Variants in GCNT2 observed in about 807,000 individuals in gnomAD.
GCNT2 encodes the protein N-acetyllactosaminide beta-1,6-N-acetylglucosaminyl-transferase.
In GCNT2, 34 loss-of-function variants were observed where a neutral mutation model predicts 34.2. The observed-to-expected ratio is 1.00, with a 90% confidence interval of 0.76 to 1.32. GCNT2 has a LOEUF of 1.32. Ranked by LOEUF, GCNT2 falls within the 40% of genes most tolerant of loss-of-function variation. The pLI, the probability that GCNT2 is intolerant of heterozygous loss-of-function variation, is 0.00. For missense variants in GCNT2, 584 were observed against 489.4 expected, an observed-to-expected ratio of 1.19 and a Z score of -1.82; for synonymous variants, 212 against 188.0, an observed-to-expected ratio of 1.13 and a Z score of -1.04.
At chr6:10,552,432 T>C (rs749969290) in intron 3 of GCNT2, among the ~76,000 whole-genome samples, 3 of 152,034 alleles carry the variant, frequency 2.0e-5, no homozygotes, top group East Asian at 1.9e-4. Context: ...TCCTGAATCC[T>C]TGGATTCGAC....
intron 3 of GCNT2, chr6:10,573,432 A>G (rs1429449498): frequency 3.5e-6 from 1 of 284,116 alleles, no homozygotes; most frequent in South Asian, 1.4e-4. Context: ...TTTGTCTCCC[A>G]GTGGGGTTGC....
intron 1 of GCNT2, among the ~76,000 whole-genome samples, chr6:10,524,708 A>G (rs185201329): frequency 6.6e-6 from 1 of 152,078 alleles, no homozygotes; most frequent in Non-Finnish European, 1.5e-5. Context: ...GCATACCTGT[A>G]AGCCCAGCTA....
chr6:10,599,174 C>T (rs1174028824), intron 3 of GCNT2, among the ~76,000 whole-genome samples: 1 of 152,060 alleles, frequency 6.6e-6, no homozygotes, highest in Non-Finnish European at 1.5e-5. Flanking sequence ...TCATCCTGCA[C>T]AAGGAATGAG....
rs572030992 is a variant in GCNT2 at position 10,560,472 on chromosome 6, C to T, written c.925+30636C>T. Among the ~76,000 whole-genome samples, 13 of 152,208 alleles carry T rather than the reference C, an allele frequency of 8.5e-5. No individual in the cohort carries two copies. The East Asian group carries it at 2.5e-3, about 29-fold the overall frequency. On this transcript the variant is annotated intron_variant, in intron 3 of 4. Transcript: ENST00000495262. ...GGGTAAACATCTTTTTGCAAACGTG[C>T]AAGTGCAGGTGGTGCTGTTCATTTC...
intron 3 of GCNT2, among the ~76,000 whole-genome samples, chr6:10,596,750 A>T (rs1764869701): frequency 6.6e-6 from 1 of 151,814 alleles, no homozygotes; most frequent in African/African-American, 2.4e-5. Context: ...AAAAAAAGAC[A>T]ATGAGTCCAA....
At chr6:10,600,724 C>T (rs923913247) in intron 3 of GCNT2, among the ~76,000 whole-genome samples, 3 of 152,142 alleles carry the variant, frequency 2.0e-5, no homozygotes, top group Non-Finnish European at 4.4e-5. Context: ...ACAAGGTGCT[C>T]GTGAGGGTCT....
At chr6:10,571,802 A>C (rs921303232) in intron 3 of GCNT2, among the ~76,000 whole-genome samples, 13 of 152,136 alleles carry the variant, frequency 8.5e-5, no homozygotes, top group Admixed American at 2.6e-4. Context: ...AATATTAATC[A>C]CTTGTCCCCA....
At chr6:10,611,784 C>G (rs1053052726) in intron 3 of GCNT2, among the ~76,000 whole-genome samples, 10 of 151,984 alleles carry the variant, frequency 6.6e-5, no homozygotes, top group Non-Finnish European at 1.0e-4. Context: ...AGCACAATTA[C>G]TAAATTAATG....
chr6:10,555,776 G>T, intron 3 of GCNT2: 2 of 985,408 alleles, frequency 2.0e-6, no homozygotes, highest in Non-Finnish European at 2.4e-6. Context: ...AATGGAGCTG[G>T]GATGGATGAG....
At chr6:10,551,848 C>G (rs1300917094) in intron 3 of GCNT2, among the ~76,000 whole-genome samples, 1 of 152,212 alleles carries the variant, frequency 6.6e-6, no homozygotes, top group East Asian at 1.9e-4. Flanking sequence ...ACCTCTGTCT[C>G]CCAGGTTCAA....
In GCNT2 at chr6:10,582,377, T is replaced by TAAA. The variant is rs1561816522; in HGVS notation, c.926-38974_926-38973insAAA. Among the ~76,000 whole-genome samples, 456 of 92,870 alleles carry TAAA rather than the reference T, an allele frequency of 4.9e-3. 4 individuals carry two copies. Among genetic ancestry groups the TAAA allele is most frequent in the African/African-American group, 0.018 (427 of 23,896 alleles). The allele number at this position is 92,870 out of a possible 152,430, so 60.9% of individuals were successfully genotyped here. Reference sequence around the variant, plus strand: ...ATATTAAATATAATATATACTATAATTTAATATTTATTATATACTATAATA... The same window carrying TAAA: ...ATATTAAATATAATATATACTATAATAAATTAATATTTATTATATACTATAATA... On this transcript the variant is annotated intron_variant, in intron 3 of 4. Coordinates refer to ENST00000495262, the MANE Select transcript of GCNT2 (RefSeq NM_145649.5).
intron 1 of GCNT2, among the ~76,000 whole-genome samples, chr6:10,525,643 T>A (rs187406121): frequency 2.0e-5 from 3 of 152,200 alleles, no homozygotes; most frequent in Non-Finnish European, 4.4e-5. Flanking sequence ...TCATATTAAT[T>A]CTTTTTTTAA....
intron 3 of GCNT2, among the ~76,000 whole-genome samples, chr6:10,617,488 C>T (rs1189660030): frequency 6.6e-6 from 1 of 152,220 alleles, no homozygotes; most frequent in Non-Finnish European, 1.5e-5. Flanking sequence ...GGCTGAAGGG[C>T]TCCTCAAGTG....
At chr6:10,547,558 AATG>A (rs1413516338) in intron 3 of GCNT2, among the ~76,000 whole-genome samples, 1 of 152,222 alleles carries the variant, frequency 6.6e-6, no homozygotes, top group Non-Finnish European at 1.5e-5. Flanking sequence ...AGAGCCTTAT[AATG>A]ATGATGACTT....
intron 3 of GCNT2, among the ~76,000 whole-genome samples, chr6:10,568,787 A>G (rs1241620035): frequency 6.6e-6 from 1 of 152,154 alleles, no homozygotes; most frequent in Non-Finnish European, 1.5e-5. Context: ...TAATCCTGCC[A>G]TAGGTCCTTT....
At chr6:10,521,686 ATGT>A (rs1175443295) in intron 1 of GCNT2, 5 of 150,356 alleles carry the variant, frequency 3.3e-5, no homozygotes, top group Admixed American at 2.7e-4. Context: ...GCATGTTTGT[ATGT>A]TGTTTCATTA....
At chr6:10,570,926 CTT>C (rs1217248231) in intron 3 of GCNT2, among the ~76,000 whole-genome samples, 1 of 152,236 alleles carries the variant, frequency 6.6e-6, no homozygotes, top group Non-Finnish European at 1.5e-5. Flanking sequence ...TATCCTACCA[CTT>C]TATGGACTTT....
rs775733706 is a variant in GCNT2 at position 10,529,636 on chromosome 6, C to G, written c.725C>G (p.Ser242Cys). The change falls in exon 3 of 5, where the codon TCC (serine) becomes TGC (cysteine). Residue 242 changes from serine to cysteine, a missense_variant. Ser to Cys is a moderately radical substitution (Grantham distance 112). Coordinates refer to ENST00000495262, the MANE Select transcript of GCNT2 (RefSeq NM_145649.5). ...CAAGAACTGTTAAACCACAAAAATT[C>G]CTACGTGATTAAAACAACAAAATTA... ...VHQELLNHKN[S>C]YVIKTTKLKT... 3.7e-6 allele frequency: 6 copies of G among 1,614,114 alleles called. 1 individual carries two copies. In the South Asian group the frequency reaches 6.6e-5, roughly 18 times the overall value.
chr6:10,573,330 A>T (rs1399049425), intron 3 of GCNT2: 1 of 965,994 alleles, frequency 1.0e-6, no homozygotes, highest in African/African-American at 1.9e-5. Context: ...TCAAAGATAA[A>T]GTTTTCATTT....
Sources: allele counts gnomAD v4.1 joint callset (sites outside exome capture counted in the v4.1 genomes callset), GRCh38; gene constraint gnomAD v4.1.1; transcripts MANE v1.5; gene names NCBI Gene and HGNC (gene_info 2026-07-23, HGNC 2026-07-21).